The following ASH1L variants were observed in gnomAD, a reference collection of about 807,000 sequenced individuals.
ASH1L encodes the protein histone-lysine N-methyltransferase ASH1L.
In ASH1L, 23 loss-of-function variants were observed where a neutral mutation model predicts 269.0. That is an observed-to-expected ratio of 0.09 (90% confidence interval 0.06 to 0.12). The LOEUF is 0.12. ASH1L is among the 10% of genes least tolerant of loss of function. The pLI is 1.00. For missense variants in ASH1L, 2,912 were observed against 3,567.8 expected, an observed-to-expected ratio of 0.82 and a Z score of 4.68; for synonymous variants, 1,187 against 1,253.5, an observed-to-expected ratio of 0.95 and a Z score of 1.12.
chr1:155,428,483 C>A (rs1413006111), intron 5 of ASH1L, among the ~76,000 whole-genome samples: 1 of 151,936 alleles, frequency 6.6e-6, no homozygotes, highest in African/African-American at 2.4e-5. Flanking sequence ...AACAGGCCCC[C>A]CAAAATCTGG....
At chr1:155,351,882 TAAATA>T (rs1653963345) in intron 17 of ASH1L, among the ~76,000 whole-genome samples, 2 of 151,210 alleles carry the variant, frequency 1.3e-5, no homozygotes, top group South Asian at 4.2e-4. Context: ...AATAAATAAA[TAAATA>T]AATTAATTAC....
intron 5 of ASH1L, among the ~76,000 whole-genome samples, chr1:155,429,711 CAG>C (rs1196117356): frequency 6.6e-6 from 1 of 152,124 alleles, no homozygotes; most frequent in Non-Finnish European, 1.5e-5. Context: ...GGTTTACAAA[CAG>C]GGAAAGTATG....
intron 4 of ASH1L, among the ~76,000 whole-genome samples, chr1:155,452,360 AT>A (rs1663548025): frequency 6.6e-6 from 1 of 151,988 alleles, no homozygotes; most frequent in East Asian, 1.9e-4. Flanking sequence ...TATTGTCTGT[AT>A]TTTGCCACAA....
intron 1 of ASH1L, among the ~76,000 whole-genome samples, chr1:155,533,911 C>A (rs1184835174): frequency 1.3e-5 from 2 of 152,020 alleles, no homozygotes; most frequent in Non-Finnish European, 2.9e-5. Context: ...TTCATTCATT[C>A]AACAAATGTT....
chr1:155,479,214 C>T lies in ASH1L; in HGVS notation c.3656G>A (p.Gly1219Glu). The T allele has an allele frequency of 2.5e-6, 4 of 1,613,710 alleles. No individual in the cohort carries two copies. Among genetic ancestry groups the T allele is most frequent in the Non-Finnish European group, 3.4e-6 (4 of 1,179,892 alleles). ...AAAAGAATGCCTCCTCTTTTTTTGC[C>T]CACAAAATTTCTCTGCCCTGTCTGA... Reference protein sequence around the residue: ...STSDRAEKFCGQKKRRHSFEH... With the variant: ...STSDRAEKFCEQKKRRHSFEH... The change falls in exon 3 of 28, where the codon GGG (glycine) becomes GAG (glutamate). Residue 1219 changes from glycine (G) to glutamate (E), a missense_variant. This residue lies in a region of ASH1L where 789 missense variants were observed against 897.6 expected (regional missense o/e 0.88). Transcript: ENST00000392403.
intron 5 of ASH1L, among the ~76,000 whole-genome samples, chr1:155,428,270 C>A (rs999712452): frequency 7.2e-5 from 11 of 152,042 alleles, no homozygotes; most frequent in African/African-American, 2.4e-4. Flanking sequence ...GAAACCCCGT[C>A]TCTACTAAAA....
intron 3 of ASH1L, among the ~76,000 whole-genome samples, chr1:155,469,632 T>C (rs1664947735): frequency 6.6e-6 from 1 of 152,226 alleles, no homozygotes; most frequent in Non-Finnish European, 1.5e-5. Context: ...CCATCTGTCC[T>C]ACAAAACAGG....
intron 5 of ASH1L, among the ~76,000 whole-genome samples, chr1:155,427,840 TG>T (rs1440772839): frequency 2.6e-5 from 4 of 151,872 alleles, no homozygotes; most frequent in Admixed American, 6.6e-5. Flanking sequence ...ACCATGGGGG[TG>T]GTTTTCTCTT....
At chr1:155,557,338 C>T (rs1671668322) in intron 1 of ASH1L, among the ~76,000 whole-genome samples, 1 of 152,022 alleles carries the variant, frequency 6.6e-6, no homozygotes, top group African/African-American at 2.4e-5. Flanking sequence ...TCTTGGCTCA[C>T]TGCAAGCTCC....
intron 2 of ASH1L, among the ~76,000 whole-genome samples, chr1:155,490,163 A>C (rs1456646114): frequency 6.6e-6 from 1 of 151,330 alleles, no homozygotes; most frequent in Non-Finnish European, 1.5e-5. Context: ...ATGGGGTTTC[A>C]CCGTGTTAGC....
chr1:155,405,254 G>T (rs113169340), intron 6 of ASH1L, among the ~76,000 whole-genome samples: 280 of 151,930 alleles, frequency 1.8e-3, no homozygotes, highest in African/African-American at 6.6e-3. Context: ...GCTGAGGGGG[G>T]GGCAGATCAC....
chr1:155,466,020 A>G (rs1664666579), intron 3 of ASH1L, among the ~76,000 whole-genome samples: 2 of 152,208 alleles, frequency 1.3e-5, no homozygotes, highest in South Asian at 4.1e-4. Flanking sequence ...GCACTACAAG[A>G]GAGTATGACT....
At chr1:155,436,306 C>A (rs1662088048) in intron 5 of ASH1L, among the ~76,000 whole-genome samples, 1 of 151,880 alleles carries the variant, frequency 6.6e-6, no homozygotes. Flanking sequence ...ATTCTCCTGC[C>A]TCAGCCTCCT....
rs552589991 is a variant in ASH1L at position 155,428,313 on chromosome 1, C to T, written c.5828+10014G>A. 5.4e-5 allele frequency among the ~76,000 whole-genome samples: 8 copies of T among 148,978 alleles called. No individual in the cohort carries two copies. In the South Asian group the frequency reaches 8.6e-4, roughly 16 times the overall value. On this transcript the variant is annotated intron_variant, in intron 5 of 27. Transcript: ENST00000392403. ...AAAATTAGCCGGGTGTGGTGGTGGG[C>T]GCCTCTAATCCCAGCTACTCGGGAG...
chr1:155,558,851 CTTT>C (rs1227615811), intron 1 of ASH1L, among the ~76,000 whole-genome samples: 5 of 136,106 alleles, frequency 3.7e-5, no homozygotes, highest in Non-Finnish European at 6.4e-5. Flanking sequence ...TTTTTCTTTT[CTTT>C]TTTTTTTTTT....
chr1:155,526,159 G>A (rs1319233143), intron 1 of ASH1L, among the ~76,000 whole-genome samples: 1 of 152,124 alleles, frequency 6.6e-6, no homozygotes, highest in Admixed American at 6.6e-5. Context: ...GCTCACCACT[G>A]TAACCCCAGC....
chr1:155,504,713 G>C (rs371272309), intron 2 of ASH1L, among the ~76,000 whole-genome samples: 2 of 152,014 alleles, frequency 1.3e-5, no homozygotes, highest in East Asian at 3.9e-4. Flanking sequence ...AATTAGCCAG[G>C]CATGGTGGCA....
In ASH1L at chr1:155,542,219, T is replaced by C. The variant is rs376753424; in HGVS notation, c.-100+19934A>G. Among the ~76,000 whole-genome samples, 7 of 152,102 alleles carry C rather than the reference T, an allele frequency of 4.6e-5. No individual in the cohort carries two copies. In the South Asian group the frequency reaches 1.4e-3, roughly 31 times the overall value. ...TTCTAAAATGACAACAGGAAGAAAG[T>C]TCAAGTTGTATCAGAAAGATTTTCC... On this transcript the variant is annotated intron_variant, in intron 1 of 27. Transcript: ENST00000392403.
At chr1:155,409,320 T>C (rs1286787705) in intron 6 of ASH1L, among the ~76,000 whole-genome samples, 1 of 152,132 alleles carries the variant, frequency 6.6e-6, no homozygotes, top group African/African-American at 2.4e-5. Context: ...CCAGCAAAAA[T>C]TGTCATTTTT....
Sources: gnomAD v4.1 joint callset for allele counts (sites outside exome capture counted in the v4.1 genomes callset) on GRCh38, gnomAD v4.1.1 for gene constraint, gnomAD v4.1.1 regional missense constraint, MANE v1.5 for transcripts, NCBI Gene and HGNC (gene_info 2026-07-23, HGNC 2026-07-21) for gene names.